The following NRXN1 variants were observed in gnomAD, a reference collection of about 807,000 sequenced individuals.
The protein encoded by NRXN1 is neurexin-1.
Under a neutral mutation model 150.9 loss-of-function variants are expected in NRXN1, and 39 were observed. The observed-to-expected ratio is 0.26, with a 90% confidence interval of 0.20 to 0.34. The LOEUF is 0.34. Ranked by LOEUF, NRXN1 falls within the 10% of genes least tolerant of loss-of-function variation. NRXN1 has a pLI of 1.00. For missense variants in NRXN1, 1,815 were observed against 1,949.9 expected (o/e 0.93, Z 1.30); for synonymous variants, 924 against 757.0 (o/e 1.22, Z -3.62).
intron 2 of NRXN1, among the ~76,000 whole-genome samples, chr2:50,927,015 C>G (rs1467281574): frequency 6.6e-6 from 1 of 151,900 alleles, no homozygotes; most frequent in East Asian, 1.9e-4. Flanking sequence ...AGGGCAAGAG[C>G]AAGGTTTCAG....
intron 21 of NRXN1, among the ~76,000 whole-genome samples, chr2:49,998,705 T>G (rs1179676761): frequency 6.6e-6 from 1 of 152,200 alleles, no homozygotes; most frequent in South Asian, 2.1e-4. Flanking sequence ...TTCATTATTA[T>G]GAATGATAAT....
Position 50,495,915 on chromosome 2 carries a change from T to C in NRXN1, c.3060A>G (p.Leu1020=). The change falls in exon 15 of 23, where the codon TTA becomes TTG. Residue 1020 remains leucine (L), a synonymous_variant. Coordinates refer to ENST00000401669, the MANE Select transcript of NRXN1 (RefSeq NM_001330078.2). ...TTQITAGARN[L]DLKSDLYIGG... Reference sequence around the variant, plus strand: ...TTAACATGCACTTACTCTTGAGGTCTAAGTTCCTGGCTCCGGCGGTGATTT... The same window carrying C: ...TTAACATGCACTTACTCTTGAGGTCCAAGTTCCTGGCTCCGGCGGTGATTT... 1 of 1,603,362 alleles carries C rather than the reference T, an allele frequency of 6.2e-7. No individual in the cohort carries two copies. Among genetic ancestry groups the C allele is most frequent in the Non-Finnish European group, 8.5e-7 (1 of 1,174,060 alleles).
At chr2:50,833,187 C>T (rs1217225427) in intron 5 of NRXN1, among the ~76,000 whole-genome samples, 1 of 152,058 alleles carries the variant, frequency 6.6e-6, no homozygotes, top group African/African-American at 2.4e-5. Context: ...TACCAAGTCC[C>T]GACAAAGATG....
At chr2:50,657,932 A>G (rs1686727097) in intron 5 of NRXN1, among the ~76,000 whole-genome samples, 1 of 151,952 alleles carries the variant, frequency 6.6e-6, no homozygotes, top group Non-Finnish European at 1.5e-5. Flanking sequence ...ATATAGTCAC[A>G]ATGAACTGCA....
At chr2:50,198,292 T>A (rs993060307) in intron 18 of NRXN1, among the ~76,000 whole-genome samples, 1 of 152,148 alleles carries the variant, frequency 6.6e-6, no homozygotes, top group African/African-American at 2.4e-5. Flanking sequence ...GATCATTTAA[T>A]AGTTCACTCA....
intron 5 of NRXN1, among the ~76,000 whole-genome samples, chr2:50,629,855 T>TA (rs1271380883): frequency 2.6e-5 from 4 of 151,704 alleles, no homozygotes; most frequent in Middle Eastern, 3.4e-3. Flanking sequence ...TCTCAAGATT[T>TA]AAAAAATATA....
At chr2:50,842,473 A>T (rs1673015025) in intron 5 of NRXN1, among the ~76,000 whole-genome samples, 1 of 152,198 alleles carries the variant, frequency 6.6e-6, no homozygotes, top group African/African-American at 2.4e-5. Context: ...ACACTCATTA[A>T]GTTAGCACCA....
At chr2:50,507,067 A>G (rs2092259747) in intron 12 of NRXN1, 1 of 155,884 alleles carries the variant, frequency 6.4e-6, no homozygotes, top group African/African-American at 2.4e-5. Flanking sequence ...TCTAGAAGAC[A>G]TCTGACTGTA....
intron 5 of NRXN1, among the ~76,000 whole-genome samples, chr2:50,781,634 C>G (rs1010713899): frequency 6.6e-6 from 1 of 152,188 alleles, no homozygotes; most frequent in African/African-American, 2.4e-5. Flanking sequence ...TTCTAAAAAC[C>G]AGACTTTCTA....
At chr2:50,913,811 G>T (rs1194659561) in intron 5 of NRXN1, among the ~76,000 whole-genome samples, 1 of 151,640 alleles carries the variant, frequency 6.6e-6, no homozygotes, top group Non-Finnish European at 1.5e-5. Context: ...ATATAAGTAG[G>T]TATAATATGA....
At chr2:50,288,341 T>G (rs1914521) in intron 17 of NRXN1, among the ~76,000 whole-genome samples, 1 of 151,674 alleles carries the variant, frequency 6.6e-6, no homozygotes, top group Non-Finnish European at 1.5e-5. Context: ...CTGCTAACCA[T>G]CCTACAATGC....
intron 2 of NRXN1, among the ~76,000 whole-genome samples, chr2:50,978,431 C>A (rs1216200492): frequency 6.7e-6 from 1 of 150,360 alleles, no homozygotes; most frequent in Non-Finnish European, 1.5e-5. Flanking sequence ...GTATAATCTG[C>A]ATCAATGTTG....
chr2:50,234,576 C>T (rs1206974209), intron 18 of NRXN1, among the ~76,000 whole-genome samples: 1 of 152,062 alleles, frequency 6.6e-6, no homozygotes, highest in Non-Finnish European at 1.5e-5. Flanking sequence ...AATGTCTAAT[C>T]ACCTCTTCTA....
At chr2:49,958,051 C>G (rs961677503) in intron 21 of NRXN1, among the ~76,000 whole-genome samples, 3 of 152,170 alleles carry the variant, frequency 2.0e-5, no homozygotes, top group African/African-American at 7.2e-5. Context: ...TCACTCACAG[C>G]TGCCAGACTG....
At chr2:50,512,541 A>G (rs2092488476) in intron 12 of NRXN1, among the ~76,000 whole-genome samples, 1 of 152,216 alleles carries the variant, frequency 6.6e-6, no homozygotes, top group Admixed American at 6.5e-5. Flanking sequence ...CATTCAAGGG[A>G]TGCATAGCTA....
intron 17 of NRXN1, among the ~76,000 whole-genome samples, chr2:50,294,745 AT>A (rs1211658875): frequency 1.3e-5 from 2 of 152,200 alleles, no homozygotes; most frequent in African/African-American, 4.8e-5. Context: ...GATGAGTAAA[AT>A]ATCAGAACTT....
chr2:50,433,350 G>A (rs1430476963), intron 17 of NRXN1, among the ~76,000 whole-genome samples: 1 of 152,110 alleles, frequency 6.6e-6, no homozygotes, highest in Non-Finnish European at 1.5e-5. Context: ...AAATATATGA[G>A]TGCATGTTTA....
chr2:50,894,380 A>G (rs909845406), intron 5 of NRXN1, among the ~76,000 whole-genome samples: 35 of 151,632 alleles, frequency 2.3e-4, no homozygotes, highest in African/African-American at 8.2e-4. Flanking sequence ...CAACTGAGGA[A>G]ACTGTCAATT....
intron 18 of NRXN1, among the ~76,000 whole-genome samples, chr2:50,108,947 G>A (rs1403312897): frequency 1.3e-5 from 2 of 152,128 alleles, no homozygotes; most frequent in Non-Finnish European, 2.9e-5. Context: ...AAAATAAAAT[G>A]AGAGAGCTAG....
Sources: gnomAD v4.1 joint callset for allele counts (sites outside exome capture counted in the v4.1 genomes callset) on GRCh38, gnomAD v4.1.1 for gene constraint, MANE v1.5 for transcripts, NCBI Gene and HGNC (gene_info 2026-07-23, HGNC 2026-07-21) for gene names.